Variants in BMP5 observed in about 807,000 individuals in gnomAD.
BMP5 encodes the protein bone morphogenetic protein 5.
BMP5 carries 23 observed loss-of-function variants against 46.6 expected under a neutral mutation model. The ratio of observed to expected loss-of-function variants is 0.49; its 90% CI spans 0.35 to 0.70. The LOEUF (loss-of-function observed/expected upper bound fraction) is 0.70. Ranked by LOEUF, BMP5 falls within the 30% of genes least tolerant of loss-of-function variation. BMP5 has a pLI of 0.00. For synonymous variants in BMP5, 204 were observed against 191.9 expected, an observed-to-expected ratio of 1.06 and a Z score of -0.52; for missense variants, 545 against 565.6, an observed-to-expected ratio of 0.96 and a Z score of 0.37.
At chr6:55,769,437 G>A (rs1192887704) in intron 4 of BMP5, among the ~76,000 whole-genome samples, 1 of 151,788 alleles carries the variant, frequency 6.6e-6, no homozygotes, top group East Asian at 1.9e-4. Context: ...GTTTTATTAT[G>A]AGATTGCAGC....
intron 4 of BMP5, among the ~76,000 whole-genome samples, chr6:55,768,445 GA>G (rs1285528004): frequency 6.6e-6 from 1 of 151,868 alleles, no homozygotes; most frequent in Non-Finnish European, 1.5e-5. Flanking sequence ...ACTTAATTAT[GA>G]AATAGGCCTT....
At chr6:55,781,363 A>T (rs1775313758) in intron 3 of BMP5, among the ~76,000 whole-genome samples, 1 of 152,148 alleles carries the variant, frequency 6.6e-6, no homozygotes, top group Non-Finnish European at 1.5e-5. Context: ...TAGTAAAACT[A>T]TAGGGAAGCA....
chr6:55,777,912 G>A lies in BMP5; in HGVS notation c.833-3669C>T, dbSNP rs149547271. On this transcript the variant is annotated intron_variant, in intron 3 of 6. Coordinates refer to ENST00000370830, the MANE Select transcript of BMP5 (RefSeq NM_021073.4). ...TAGTTAACAGACTGGCAGAAGTGGT[G>A]AACAAAGATTCTCTCTATATGAGAA... 2.1e-3 allele frequency among the ~76,000 whole-genome samples: 325 copies of A among 152,156 alleles called. 2 individuals carry two copies. Among genetic ancestry groups the A allele is most frequent in the African/African-American group, 6.7e-3 (278 of 41,548 alleles).
chr6:55,874,421 T>G lies in BMP5; in HGVS notation c.445A>C (p.Asn149His). ...SPPLASLHDT[N>H]FLNDADMVMS... ...ACCATGTCAGCATCATTCAGAAAGT[T>G]GGTATCATGGAGGCTGGCTAGAGGA... The change falls in exon 1 of 7, where the codon AAC becomes CAC. Residue 149 changes from asparagine (N) to histidine (H), a missense_variant. By Grantham distance (68) the Asn-to-His change is moderately conservative. Coordinates refer to ENST00000370830, the MANE Select transcript of BMP5 (RefSeq NM_021073.4). The G allele has an allele frequency of 6.2e-7, 1 of 1,613,116 alleles. No homozygotes were observed. The highest frequency in any genetic ancestry group is 8.5e-7 in the Non-Finnish European group (1 of 1,179,476).
chr6:55,775,570 G>A (rs984818725), intron 3 of BMP5, among the ~76,000 whole-genome samples: 13 of 151,920 alleles, frequency 8.6e-5, no homozygotes, highest in Admixed American at 3.9e-4. Context: ...AACATATAAT[G>A]TGGTTTGAAA....
chr6:55,759,191 A>G, intron 5 of BMP5, 76 bp from the exon 6 acceptor site: 1 of 803,308 alleles, frequency 1.2e-6, no homozygotes, highest in Non-Finnish European at 1.9e-6. Context: ...AAACAACAAG[A>G]AAAAATATCA....
chr6:55,810,397 A>AT (rs1228444888), intron 2 of BMP5, among the ~76,000 whole-genome samples: 1 of 152,194 alleles, frequency 6.6e-6, no homozygotes, highest in Non-Finnish European at 1.5e-5. Context: ...ACTGAGCAGA[A>AT]TTTTTTTAAT....
intron 1 of BMP5, among the ~76,000 whole-genome samples, chr6:55,852,018 A>G (rs1024761393): frequency 4.6e-5 from 7 of 152,110 alleles, no homozygotes. Context: ...CTCCTATTCT[A>G]TCCCCCCAAA....
chr6:55,848,929 C>G (rs1320948752), intron 1 of BMP5, among the ~76,000 whole-genome samples: 1 of 152,012 alleles, frequency 6.6e-6, no homozygotes, highest in Non-Finnish European at 1.5e-5. Flanking sequence ...TGAACATATT[C>G]AGTAACAGAG....
chr6:55,783,127 G>A (rs546397456), intron 3 of BMP5, among the ~76,000 whole-genome samples: 23 of 152,162 alleles, frequency 1.5e-4, no homozygotes, highest in African/African-American at 5.3e-4. Context: ...TCCTTAGTAA[G>A]TAAGTAGGAA....
intron 1 of BMP5, among the ~76,000 whole-genome samples, chr6:55,839,325 A>G (rs1776895656): frequency 6.7e-6 from 1 of 149,984 alleles, no homozygotes; most frequent in African/African-American, 2.5e-5. Flanking sequence ...TTCATCATTT[A>G]TTATTAATTT....
At chr6:55,833,211 T>G (rs16887233) in intron 1 of BMP5, among the ~76,000 whole-genome samples, 3,804 of 152,308 alleles carry the variant, frequency 0.025, 158 homozygotes, top group African/African-American at 0.086. Flanking sequence ...CAGTACAGGA[T>G]GTTTAGACTC....
chr6:55,849,872 C>T (rs1199472600), intron 1 of BMP5, among the ~76,000 whole-genome samples: 1 of 152,036 alleles, frequency 6.6e-6, no homozygotes, highest in Admixed American at 6.6e-5. Flanking sequence ...TAGATGAGGA[C>T]TATTTCTATC....
intron 4 of BMP5, among the ~76,000 whole-genome samples, chr6:55,765,405 G>T (rs1774895199): frequency 6.6e-6 from 1 of 152,144 alleles, no homozygotes; most frequent in African/African-American, 2.4e-5. Context: ...AGATGTTAGT[G>T]TTTTCACTCT....
chr6:55,789,127 C>G (rs2127527003), intron 3 of BMP5, among the ~76,000 whole-genome samples: 1 of 151,922 alleles, frequency 6.6e-6, no homozygotes, highest in Admixed American at 6.6e-5. Context: ...TTAAACAACT[C>G]TCTGACAAAA....
intron 1 of BMP5, among the ~76,000 whole-genome samples, chr6:55,871,661 C>T (rs1047059104): frequency 2.4e-4 from 36 of 151,612 alleles, no homozygotes; most frequent in African/African-American, 8.0e-4. Flanking sequence ...AATTGTTCTT[C>T]GTGACCAAAA....
intron 2 of BMP5, among the ~76,000 whole-genome samples, chr6:55,803,306 AAAAC>A (rs1436369620): frequency 1.3e-5 from 2 of 152,026 alleles, no homozygotes; most frequent in Non-Finnish European, 2.9e-5. Flanking sequence ...CAAACAAAAC[AAAAC>A]AAACAAAAAA....
chr6:55,852,223 A>AT (rs1193188692), intron 1 of BMP5, among the ~76,000 whole-genome samples: 2 of 152,058 alleles, frequency 1.3e-5, no homozygotes, highest in East Asian at 3.8e-4. Context: ...TGGTAGGAAA[A>AT]TTACTAAACT....
chr6:55,786,516 T>C (rs1395656878), intron 3 of BMP5, among the ~76,000 whole-genome samples: 1 of 151,626 alleles, frequency 6.6e-6, no homozygotes, highest in Non-Finnish European at 1.5e-5. Context: ...TTGCCTTTTA[T>C]GCACATTGAT....
Sources: gnomAD v4.1 joint callset for allele counts (sites outside exome capture counted in the v4.1 genomes callset) on GRCh38, gnomAD v4.1.1 for gene constraint, MANE v1.5 for transcripts, NCBI Gene and HGNC (gene_info 2026-07-23, HGNC 2026-07-21) for gene names.